The following TLCD4 variants were observed in gnomAD, a reference collection of about 807,000 sequenced individuals.
The protein encoded by TLCD4 is TLC domain-containing protein 4.
A neutral mutation model predicts 24.2 loss-of-function variants in TLCD4; 7 were observed. The observed-to-expected ratio is 0.29, with a 90% CI of 0.16 to 0.54. The LOEUF is 0.54. TLCD4 is among the 20% of genes least tolerant of loss of function. The pLI, the probability that TLCD4 is intolerant of heterozygous loss-of-function variation, is 0.95. For missense variants in TLCD4, 259 were observed against 313.9 expected, an observed-to-expected ratio of 0.82 and a Z score of 1.32; for synonymous variants, 103 against 106.4, an observed-to-expected ratio of 0.97 and a Z score of 0.20.
intron 5 of TLCD4, among the ~76,000 whole-genome samples, chr1:95,168,282 AT>A (rs557259797): frequency 2.3e-4 from 35 of 152,160 alleles, no homozygotes; most frequent in Middle Eastern, 3.4e-3. Flanking sequence ...ACTACATCCT[AT>A]TGCTCCTTAG....
At chr1:95,094,889 C>G in the TLCD4 span, among the ~76,000 whole-genome samples, 1 of 152,194 alleles carries the variant, frequency 6.6e-6, no homozygotes, top group Admixed American at 6.5e-5. Context: ...TTTAACTTCA[C>G]CCACAGTATG....
intron 5 of TLCD4, among the ~76,000 whole-genome samples, chr1:95,153,556 A>G (rs757742673): frequency 3.3e-5 from 5 of 152,134 alleles, no homozygotes; most frequent in Admixed American, 6.6e-5. Flanking sequence ...AGTTATGCCA[A>G]TTTATCACAT....
chr1:95,188,717 C>T (rs550150039), intron 6 of TLCD4, among the ~76,000 whole-genome samples: 18 of 152,030 alleles, frequency 1.2e-4, no homozygotes, highest in African/African-American at 2.7e-4. Context: ...CATAAAGAAA[C>T]GTCATTTTGT....
At chr1:95,157,623 C>A (rs1307352616) in intron 5 of TLCD4, among the ~76,000 whole-genome samples, 1 of 152,168 alleles carries the variant, frequency 6.6e-6, no homozygotes, top group South Asian at 2.1e-4. Context: ...CATGTGGGTG[C>A]TGTTAAATGG....
intron 1 of TLCD4, among the ~76,000 whole-genome samples, chr1:95,133,239 T>TG (rs1421624951): frequency 1.3e-5 from 2 of 151,468 alleles, no homozygotes; most frequent in African/African-American, 4.9e-5. Context: ...TGTTGTGGGG[T>TG]GGGGGGACGG....
chr1:95,094,332 T>C, the TLCD4 span, among the ~76,000 whole-genome samples: 1 of 151,194 alleles, frequency 6.6e-6, no homozygotes, highest in Non-Finnish European at 1.5e-5. Flanking sequence ...AGATGGAGTC[T>C]CACTGTTTCC....
intron 1 of TLCD4, among the ~76,000 whole-genome samples, chr1:95,138,859 A>G (rs576561777): frequency 8.0e-4 from 122 of 152,104 alleles, no homozygotes; most frequent in Non-Finnish European, 1.4e-3. Context: ...GTATCTAAAC[A>G]TAGAAAAGGT....
chr1:95,119,494 A>C (rs555042040), intron 1 of TLCD4, among the ~76,000 whole-genome samples: 1 of 152,294 alleles, frequency 6.6e-6, no homozygotes, highest in African/African-American at 2.4e-5. Flanking sequence ...AGTAGGAAGT[A>C]AAGGATCCCT....
Position 95,181,595 on chromosome 1 carries a change from ATTTATTTATTTT to A in TLCD4, c.473+7710_473+7721del, listed in dbSNP as rs1480831522. ...AATTTGTTTAATTATTTATTTATTT[ATTTATTTATTTT>A]TTTTTTTGAGATGGAGTCTCGCATT... is the stretch of plus-strand genomic sequence containing the variant. On this transcript the variant is annotated intron_variant, in intron 6 of 6. Coordinates refer to ENST00000370203, the MANE Select transcript of TLCD4 (RefSeq NM_152487.3). Among the ~76,000 whole-genome samples the A allele has an allele frequency of 4.6e-3, 699 of 150,464 alleles. 7 individuals carry two copies. The highest frequency in any genetic ancestry group is 0.016 in the African/African-American group (650 of 40,830).
intron 6 of TLCD4, among the ~76,000 whole-genome samples, chr1:95,177,334 TTA>T (rs1267692897): frequency 3.3e-5 from 5 of 152,180 alleles, no homozygotes; most frequent in Non-Finnish European, 7.3e-5. Context: ...GCTTCTATGA[TTA>T]TATGTCTTGT....
chr1:95,124,653 G>C (rs1247662585), intron 1 of TLCD4, among the ~76,000 whole-genome samples: 1 of 152,158 alleles, frequency 6.6e-6, no homozygotes, highest in African/African-American at 2.4e-5. Context: ...GGACACATGA[G>C]CAATGAAAAA....
chr1:95,158,515 A>ATTTT (rs34669432), intron 5 of TLCD4, among the ~76,000 whole-genome samples: 3 of 145,502 alleles, frequency 2.1e-5, no homozygotes, highest in Non-Finnish European at 3.1e-5. Flanking sequence ...TTATTTATTT[A>ATTTT]TTTTTTATTA....
In TLCD4 at chr1:95,173,990, C is replaced by T. The variant is rs564753395; in HGVS notation, c.473+101C>T. ...TCCTCAAGTTACTATATAAAAGATACGGATCTGTGATATGAATTGTTATCA... is the reference window on the plus strand; with the variant it reads ...TCCTCAAGTTACTATATAAAAGATATGGATCTGTGATATGAATTGTTATCA... On this transcript the variant is annotated intron_variant, in intron 6 of 6. Transcript: ENST00000370203. 75 of 1,492,316 alleles carry T rather than the reference C, an allele frequency of 5.0e-5. No homozygotes were observed. In the African/African-American group the frequency reaches 5.1e-4, roughly 10 times the overall value. 92.4% of individuals were successfully genotyped at this position (1,492,316 alleles called of 1,614,324 possible).
At chr1:95,125,426 G>A (rs2100906420) in intron 1 of TLCD4, 1 of 152,318 alleles carries the variant, frequency 6.6e-6, no homozygotes, top group South Asian at 2.1e-4. Flanking sequence ...GTGCAGTTGG[G>A]ACCAGTTTTA....
intron 5 of TLCD4, among the ~76,000 whole-genome samples, chr1:95,162,737 A>G (rs1328786604): frequency 6.6e-6 from 1 of 152,104 alleles, no homozygotes; most frequent in Non-Finnish European, 1.5e-5. Context: ...TCTGTAAAGG[A>G]TTTTATTTCT....
intron 5 of TLCD4, among the ~76,000 whole-genome samples, chr1:95,161,496 A>G (rs924221563): frequency 1.2e-4 from 19 of 152,140 alleles, no homozygotes; most frequent in South Asian, 2.1e-4. Context: ...TTGTGTCTCT[A>G]TCTCCTTCAG....
intron 2 of TLCD4, among the ~76,000 whole-genome samples, chr1:95,147,142 C>A (rs1022320809): frequency 1.3e-5 from 2 of 150,370 alleles, no homozygotes; most frequent in Non-Finnish European, 3.0e-5. Context: ...GGTGCAATCT[C>A]CACTCACTGA....
chr1:95,096,954 T>A, the TLCD4 span, among the ~76,000 whole-genome samples: 1 of 152,188 alleles, frequency 6.6e-6, no homozygotes, highest in South Asian at 2.1e-4. Flanking sequence ...TTACACATTT[T>A]AAAAAAGTAT....
the TLCD4 span, among the ~76,000 whole-genome samples, chr1:95,106,946 A>T: frequency 6.6e-6 from 1 of 152,158 alleles, no homozygotes. Context: ...CTGACTTCTC[A>T]TATAGAATGT....
Sources: allele counts gnomAD v4.1 joint callset (sites outside exome capture counted in the v4.1 genomes callset), GRCh38; gene constraint gnomAD v4.1.1; transcripts MANE v1.5; gene names NCBI Gene and HGNC (gene_info 2026-07-23, HGNC 2026-07-21).